The following EFHD1 variants were observed in gnomAD, a reference collection of about 807,000 sequenced individuals.
EFHD1 encodes EF-hand domain family member D1, also known as EF-hand domain-containing protein D1.
A neutral mutation model predicts 17.2 loss-of-function variants in EFHD1; 10 were observed. The observed-to-expected ratio is 0.58, with a 90% confidence interval of 0.36 to 0.99. The LOEUF is 0.99. EFHD1 is among the 50% of genes least tolerant of loss of function. The pLI, the probability that EFHD1 is intolerant of heterozygous loss-of-function variation, is 0.01. For synonymous variants in EFHD1, 153 were observed against 142.0 expected (o/e 1.08, Z -0.55); for missense variants, 310 against 327.5 (o/e 0.95, Z 0.41).
intron 1 of EFHD1, among the ~76,000 whole-genome samples, chr2:232,635,239 C>A (rs1035069950): frequency 1.8e-4 from 28 of 152,238 alleles, no homozygotes; most frequent in Non-Finnish European, 2.8e-4. Flanking sequence ...CCTTTGATTT[C>A]TCTGGGGTAA....
chr2:232,647,683 C>G (rs1223822891), intron 1 of EFHD1, among the ~76,000 whole-genome samples: 1 of 140,902 alleles, frequency 7.1e-6, no homozygotes, highest in African/African-American at 2.7e-5. Flanking sequence ...GTCGCCCAGG[C>G]TGGAGTGCAA....
In EFHD1 at chr2:232,682,758, G is replaced by T. The variant is rs1341544619; in HGVS notation, c.*1039G>T. ...TTGTAACTGCTGTCTTTACAATAAA[G>T]AAATCATCTGCCTTTCTATCTTACA... On this transcript the variant is annotated 3_prime_UTR_variant, in exon 4 of 4. Transcript: ENST00000264059. The T allele has an allele frequency of 6.6e-6, 1 of 152,126 alleles. No homozygotes were observed. Among genetic ancestry groups the T allele is most frequent in the Non-Finnish European group, 1.5e-5 (1 of 68,004 alleles). The allele number at this position is 152,126 out of a possible 1,614,324, so 9.4% of individuals were successfully genotyped here. A position where few individuals can be genotyped will look rare whatever the true frequency, so the allele number is the denominator to read the frequency against.
chr2:232,642,560 C>T (rs1024591148), intron 1 of EFHD1, among the ~76,000 whole-genome samples: 1 of 151,882 alleles, frequency 6.6e-6, no homozygotes, highest in African/African-American at 2.4e-5. Flanking sequence ...TGTACAGCTC[C>T]TCACCCCAGA....
At chr2:232,636,594 G>A (rs1694323489) in intron 1 of EFHD1, among the ~76,000 whole-genome samples, 2 of 152,138 alleles carry the variant, frequency 1.3e-5, no homozygotes, top group Non-Finnish European at 2.9e-5. Context: ...GGGAGGCTGA[G>A]GCAGGCGGAT....
At position 232,659,874 on chromosome 2, in the gene EFHD1, G is replaced by C. The variant is rs115031318; in HGVS notation, c.303-2928G>C. Among the ~76,000 whole-genome samples the C allele has an allele frequency of 1.9e-3, 296 of 152,302 alleles. 1 individual carries two copies. Among genetic ancestry groups the C allele is most frequent in the African/African-American group, 6.5e-3 (271 of 41,568 alleles). ...ACAACCATGGCAGAAGGTGAAGGGG[G>C]AGCAGTACTTCACATGGCCGGAACA... On this transcript the variant is annotated intron_variant, in intron 1 of 3. Transcript: ENST00000264059.
At chr2:232,644,296 CG>C (rs1694485767) in intron 1 of EFHD1, among the ~76,000 whole-genome samples, 2 of 152,188 alleles carry the variant, frequency 1.3e-5, no homozygotes, top group South Asian at 4.2e-4. Flanking sequence ...TTTTTCTCAT[CG>C]GGGGTGCCAT....
At position 232,640,018 on chromosome 2, in the gene EFHD1, C is replaced by A. The variant is rs190843929; in HGVS notation, c.302+6012C>A. Among the ~76,000 whole-genome samples, 15 of 152,312 alleles carry A rather than the reference C, an allele frequency of 9.8e-5. No homozygotes were observed. In the East Asian group the frequency reaches 2.7e-3, roughly 27 times the overall value. ...GTCCTCCCAGAACACCCCTCTATAG[C>A]CTCCTCCTGCTTCTGTGTCCCCTGA... On this transcript the variant is annotated intron_variant, in intron 1 of 3. Coordinates refer to ENST00000264059, the MANE Select transcript of EFHD1 (RefSeq NM_025202.4).
At chr2:232,650,615 C>CAA (rs1694632824) in intron 1 of EFHD1, among the ~76,000 whole-genome samples, 1 of 130,714 alleles carries the variant, frequency 7.7e-6, no homozygotes, top group Admixed American at 8.7e-5. Flanking sequence ...ATTGCCCAGG[C>CAA]TGGAGTGCAG....
upstream of EFHD1, among the ~76,000 whole-genome samples, chr2:232,630,212 A>G (rs1348912863): frequency 6.6e-6 from 1 of 152,124 alleles, no homozygotes; most frequent in Non-Finnish European, 1.5e-5. Context: ...AGCCTCCCAA[A>G]GTGCTGGGAT....
chr2:232,607,746 C>T (rs1156997429), intron 1 of EFHD1, among the ~76,000 whole-genome samples: 3 of 150,924 alleles, frequency 2.0e-5, no homozygotes, highest in Non-Finnish European at 3.0e-5. Context: ...AGAGCAAGAC[C>T]CTATCTCAAA....
At chr2:232,611,858 T>G (rs1227128039) in intron 1 of EFHD1, 1 of 152,204 alleles carries the variant, frequency 6.6e-6, no homozygotes, top group Non-Finnish European at 1.5e-5. Flanking sequence ...GCCCCCGACT[T>G]GTGCAGGTTC....
At chr2:232,652,183 T>C (rs1455079807) in intron 1 of EFHD1, among the ~76,000 whole-genome samples, 1 of 152,232 alleles carries the variant, frequency 6.6e-6, no homozygotes, top group Non-Finnish European at 1.5e-5. Flanking sequence ...TCAGCATTCC[T>C]CTTGGCGAAC....
At chr2:232,607,126 G>A (rs1693729770) in intron 1 of EFHD1, among the ~76,000 whole-genome samples, 1 of 151,694 alleles carries the variant, frequency 6.6e-6, no homozygotes, top group African/African-American at 2.4e-5. Context: ...CGAAGTGCTG[G>A]GACTACAGGT....
intron 2 of EFHD1, among the ~76,000 whole-genome samples, chr2:232,667,099 C>T (rs1432756960): frequency 1.3e-5 from 2 of 152,202 alleles, no homozygotes; most frequent in Non-Finnish European, 2.9e-5. Flanking sequence ...CTTGTTCTTG[C>T]ACTTCCAGCT....
intron 1 of EFHD1, among the ~76,000 whole-genome samples, chr2:232,659,127 C>T (rs1694813751): frequency 6.6e-6 from 1 of 152,134 alleles, no homozygotes; most frequent in African/African-American, 2.4e-5. Flanking sequence ...TCTGGAACAC[C>T]TGTCTCATCC....
intron 1 of EFHD1, chr2:232,606,443 A>G: frequency 1.7e-6 from 1 of 577,664 alleles, no homozygotes; most frequent in South Asian, 2.0e-5. Context: ...GGTGTGCTGA[A>G]GTCCCCATCG....
chr2:232,659,909 C>G (rs1008242535), intron 1 of EFHD1, among the ~76,000 whole-genome samples: 2 of 152,112 alleles, frequency 1.3e-5, no homozygotes, highest in African/African-American at 4.8e-5. Context: ...AGGAGCAAGA[C>G]AGAGCAAGCG....
chr2:232,658,907 G>A (rs13416329), intron 1 of EFHD1, among the ~76,000 whole-genome samples: 46,912 of 151,926 alleles, frequency 0.31, 7,955 homozygotes, highest in Middle Eastern at 0.4. Context: ...TTATATCTCA[G>A]TAAAGCTGTT....
chr2:232,614,282 G>A (rs1307124241), intron 1 of EFHD1, among the ~76,000 whole-genome samples: 1 of 151,878 alleles, frequency 6.6e-6, no homozygotes, highest in Non-Finnish European at 1.5e-5. Context: ...TTTTTTTTCA[G>A]TAAAAGTGAC....
Sources: gnomAD v4.1 joint callset for allele counts (sites outside exome capture counted in the v4.1 genomes callset) on GRCh38, gnomAD v4.1.1 for gene constraint, MANE v1.5 for transcripts, NCBI Gene and HGNC (gene_info 2026-07-23, HGNC 2026-07-21) for gene names.